SYNJ2BP: variants seen among roughly 807,000 people sequenced by gnomAD.
SYNJ2BP encodes the protein synaptojanin 2 binding protein, also known as synaptojanin-2-binding protein.
Under a neutral mutation model 16.9 loss-of-function variants are expected in SYNJ2BP, and 10 were observed. That is an observed-to-expected ratio of 0.59 (90% CI 0.36 to 1.00). The LOEUF is 1.00. Among genes scored for constraint, SYNJ2BP ranks in the 50% least tolerant of loss-of-function variants. The pLI, the probability that SYNJ2BP is intolerant of heterozygous loss-of-function variation, is 0.01. For missense variants in SYNJ2BP, 162 were observed against 186.7 expected, an observed-to-expected ratio of 0.87 and a Z score of 0.77; for synonymous variants, 54 against 68.4, an observed-to-expected ratio of 0.79 and a Z score of 1.04.
Position 70,395,828 on chromosome 14 carries a change from TTC to T in SYNJ2BP, c.65-7224_65-7223del, listed in dbSNP as rs1185037692. On this transcript the variant is annotated intron_variant, in intron 1 of 3. Transcript: ENST00000256366. ...AAACTCTGACACCATCTATTATACT[TTC>T]TGTCTATATTAATTTGTGTATTCTA... is the stretch of plus-strand genomic sequence containing the variant. 3.9e-5 allele frequency among the ~76,000 whole-genome samples: 6 copies of T among 152,312 alleles called. No individual in the cohort carries two copies. The East Asian group carries it at 9.6e-4, about 24-fold the overall frequency.
chr14:70,410,620 C>A, intron 1 of SYNJ2BP, among the ~76,000 whole-genome samples: 1 of 152,060 alleles, frequency 6.6e-6, no homozygotes. Context: ...AACCTAAATG[C>A]CCATCAATGG....
intron 1 of SYNJ2BP, among the ~76,000 whole-genome samples, chr14:70,407,031 T>G (rs1888360348): frequency 1.3e-5 from 2 of 152,210 alleles, no homozygotes; most frequent in South Asian, 4.1e-4. Context: ...AAAGTTGAGA[T>G]GAACCTGGTG....
At chr14:70,407,660 A>C (rs1260485104) in intron 1 of SYNJ2BP, among the ~76,000 whole-genome samples, 1 of 152,150 alleles carries the variant, frequency 6.6e-6, no homozygotes, top group Non-Finnish European at 1.5e-5. Context: ...AAAGTAAAAA[A>C]AAAAACATAG....
At chr14:70,405,786 T>C (rs986432353) in intron 1 of SYNJ2BP, among the ~76,000 whole-genome samples, 2 of 152,180 alleles carry the variant, frequency 1.3e-5, no homozygotes, top group African/African-American at 4.8e-5. Flanking sequence ...TACTAAGAGA[T>C]AATAAAAGAC....
At chr14:70,412,449 ATGAG>A (rs1367754059) in intron 1 of SYNJ2BP, among the ~76,000 whole-genome samples, 2 of 136,950 alleles carry the variant, frequency 1.5e-5, no homozygotes, top group Non-Finnish European at 1.6e-5. Context: ...TGAAGATTAA[ATGAG>A]TATGTATGTA....
At chr14:70,399,370 C>G (rs1440792481) in intron 1 of SYNJ2BP, among the ~76,000 whole-genome samples, 2 of 152,214 alleles carry the variant, frequency 1.3e-5, no homozygotes, top group Non-Finnish European at 2.9e-5. Context: ...CTGGCTCCCA[C>G]TGGCTCCATG....
At chr14:70,405,881 G>A (rs1888335182) in intron 1 of SYNJ2BP, among the ~76,000 whole-genome samples, 1 of 152,138 alleles carries the variant, frequency 6.6e-6, no homozygotes, top group African/African-American at 2.4e-5. Context: ...TCTTTTGATT[G>A]TTTGGGAAAC....
chr14:70,374,412 T>C (rs1333177581), intron 3 of SYNJ2BP, among the ~76,000 whole-genome samples: 2 of 152,200 alleles, frequency 1.3e-5, no homozygotes, highest in African/African-American at 4.8e-5. Flanking sequence ...TAAATGTTCT[T>C]AAGCTTCTAA....
Position 70,372,312 on chromosome 14 carries a change from T to A in SYNJ2BP, c.*679A>T, listed in dbSNP as rs952694147. 2.0e-5 allele frequency: 3 copies of A among 152,684 alleles called. No homozygotes were observed. Among genetic ancestry groups the A allele is most frequent in the Admixed American group, 2.0e-4 (3 of 15,290 alleles). 9.5% of individuals were successfully genotyped at this position (152,684 alleles called of 1,614,324 possible). On this transcript the variant is annotated 3_prime_UTR_variant, in exon 4 of 4. Transcript: ENST00000256366. The stretch of plus-strand genomic sequence containing the variant: ...ATAAATGAGACTGAACGTCCTCTTA[T>A]AAGGCTCACTCCCTTGTTCCTACTA...
In SYNJ2BP at chr14:70,375,731, G is replaced by T. The variant is rs1287053498; in HGVS notation, c.242C>A (p.Ala81Asp). The T allele has an allele frequency of 6.2e-7, 1 of 1,614,118 alleles. No homozygotes were observed. Among genetic ancestry groups the T allele is most frequent in the Non-Finnish European group, 8.5e-7 (1 of 1,179,990 alleles). The change falls in exon 3 of 4, where the codon GCT becomes GAT. Residue 81 changes from alanine to aspartate, a missense_variant. Coordinates refer to ENST00000256366, the MANE Select transcript of SYNJ2BP (RefSeq NM_018373.3). ...QDLKNLLHQD[A>D]VDLFRNAGYA... ...GCCTGCATTACGAAAGAGGTCTACA[G>T]CATCCTGGTGCAGCAGGTTCTTTAG...
intron 1 of SYNJ2BP, among the ~76,000 whole-genome samples, chr14:70,392,864 C>T (rs1242774704): frequency 2.6e-5 from 4 of 152,182 alleles, no homozygotes; most frequent in African/African-American, 7.2e-5. Flanking sequence ...CTATTCAATA[C>T]GTATCTTGCT....
At chr14:70,391,905 G>A (rs1258695251) in intron 1 of SYNJ2BP, among the ~76,000 whole-genome samples, 1 of 152,208 alleles carries the variant, frequency 6.6e-6, no homozygotes, top group East Asian at 1.9e-4. Flanking sequence ...GAAGCCCTTT[G>A]TTCAGCCAGA....
intron 2 of SYNJ2BP, among the ~76,000 whole-genome samples, chr14:70,383,915 G>T (rs1887803848): frequency 6.6e-6 from 1 of 151,228 alleles, no homozygotes; most frequent in Non-Finnish European, 1.5e-5. Flanking sequence ...CATCTACAGT[G>T]ATCATAAAAA....
chr14:70,390,116 C>T (rs1275919010), intron 1 of SYNJ2BP, among the ~76,000 whole-genome samples: 1 of 151,930 alleles, frequency 6.6e-6, no homozygotes, highest in Non-Finnish European at 1.5e-5. Context: ...TTTCTATGGA[C>T]CAATGACTAA....
chr14:70,401,335 C>T (rs960638262), intron 1 of SYNJ2BP, among the ~76,000 whole-genome samples: 8 of 152,136 alleles, frequency 5.3e-5, no homozygotes, highest in African/African-American at 1.7e-4. Context: ...AGCTCACACA[C>T]CTGTAATCCT....
At position 70,373,003 on chromosome 14, in the gene SYNJ2BP, C is replaced by G; in HGVS notation, c.426G>C (p.Arg142=). The change falls in exon 4 of 4, where the codon CGG becomes CGC. Residue 142 remains arginine, a synonymous_variant. Transcript: ENST00000256366. ...MVAAWAFMRY[R]QQL ...GAGAGCAAGTTTTTCAAAGTTGTTG[C>G]CGGTATCTCATGAAAGCCCAGGCTG... is the stretch of plus-strand genomic sequence containing the variant. 1 of 1,614,024 alleles carries G rather than the reference C, an allele frequency of 6.2e-7. No individual in the cohort carries two copies.
At position 70,372,965 on chromosome 14, in the gene SYNJ2BP, G is replaced by A. The variant is rs769994749; in HGVS notation, c.*26C>T. The A allele has an allele frequency of 2.5e-6, 4 of 1,613,114 alleles. No homozygotes were observed. Among genetic ancestry groups the A allele is most frequent in the Non-Finnish European group, 3.4e-6 (4 of 1,179,702 alleles). On this transcript the variant is annotated 3_prime_UTR_variant, in exon 4 of 4. Transcript: ENST00000256366. Reference sequence around the variant, plus strand: ...AGGGTGAGTGAAATGTATCTTCATTGGGAGTATTGAAAGAGAGCAAGTTTT... The same window carrying A: ...AGGGTGAGTGAAATGTATCTTCATTAGGAGTATTGAAAGAGAGCAAGTTTT...
At chr14:70,408,780 CA>C in intron 1 of SYNJ2BP, among the ~76,000 whole-genome samples, 1 of 152,192 alleles carries the variant, frequency 6.6e-6, no homozygotes, top group East Asian at 1.9e-4. Flanking sequence ...AGGTGACTTG[CA>C]CAAGGTCACA....
Position 70,372,010 on chromosome 14 carries a change from A to C in SYNJ2BP, c.*981T>G, listed in dbSNP as rs562594991. The C allele has an allele frequency of 6.6e-6, 1 of 152,316 alleles. No individual in the cohort carries two copies. The highest frequency in any genetic ancestry group is 1.9e-4 in the East Asian group (1 of 5,190). The allele number at this position is 152,316 out of a possible 1,614,324, so 9.4% of individuals were successfully genotyped here. On this transcript the variant is annotated 3_prime_UTR_variant, in exon 4 of 4. Transcript: ENST00000256366. The stretch of plus-strand genomic sequence containing the variant: ...TTGGTACGATTTACCTTTACACCTC[A>C]AAGTTTTTTAGATGTGAGCAGCGCT...
Sources: allele counts gnomAD v4.1 joint callset (sites outside exome capture counted in the v4.1 genomes callset), GRCh38; gene constraint gnomAD v4.1.1; transcripts MANE v1.5; gene names NCBI Gene and HGNC (gene_info 2026-07-23, HGNC 2026-07-21).